AXIN2: variants seen among roughly 807,000 people sequenced by gnomAD.
AXIN2 encodes axin 2.
Under a neutral mutation model 74.7 loss-of-function variants are expected in AXIN2, and 21 were observed. The observed-to-expected ratio is 0.28, with a 90% confidence interval of 0.20 to 0.40. AXIN2 has a LOEUF of 0.40. AXIN2 is among the 10% of genes least tolerant of loss of function. The probability of loss-of-function intolerance (pLI) is 1.00; values close to 1 mark genes in which losing one functional copy is unlikely to be tolerated. For synonymous variants in AXIN2, 532 were observed against 454.9 expected (o/e 1.17, Z -2.16); for missense variants, 1,144 against 1,111.1 (o/e 1.03, Z -0.42).
intron 2 of AXIN2, among the ~76,000 whole-genome samples, chr17:65,555,255 A>T (rs1220600010): frequency 6.6e-6 from 1 of 152,126 alleles, no homozygotes; most frequent in Non-Finnish European, 1.5e-5. Flanking sequence ...AGCAGCACTG[A>T]CGTTTCTGTT....
chr17:65,535,838 C>A lies in AXIN2; in HGVS notation c.2142-117G>T, dbSNP rs1276606362. ...GAAGAGACACGAACCCGACTTCCAT[C>A]CTTACGGAGACCCAACCAAGACCCT... On this transcript the variant is annotated intron_variant, in intron 8 of 10. Coordinates refer to ENST00000307078, the MANE Select transcript of AXIN2 (RefSeq NM_004655.4). The A allele has an allele frequency of 3.2e-6, 3 of 933,326 alleles. No homozygotes were observed. In the South Asian group the frequency reaches 4.2e-5, roughly 13 times the overall value. 57.8% of individuals were successfully genotyped at this position (933,326 alleles called of 1,614,324 possible).
Position 65,529,104 on chromosome 17 carries a change from G to C in AXIN2, c.*872C>G. 4.3e-6 allele frequency: 1 copy of C among 234,740 alleles called. No homozygotes were observed. The allele number at this position is 234,740 out of a possible 1,614,324, so 14.5% of individuals were successfully genotyped here. A position where few individuals can be genotyped will look rare whatever the true frequency, so the allele number is the denominator to read the frequency against. ...CAAAAACAGAAACAAAAAAAACAAG[G>C]AACTGTCATTTCCACGAAAGCACAG... On this transcript the variant is annotated 3_prime_UTR_variant, in exon 11 of 11. Transcript: ENST00000307078.
intron 2 of AXIN2, 148 bp downstream of exon 2, chr17:65,557,658 A>G: frequency 1.2e-6 from 1 of 801,190 alleles, no homozygotes; most frequent in Non-Finnish European, 2.0e-6. Context: ...TTCAACAACA[A>G]AAAGCAAGAT....
Position 65,537,521 on chromosome 17 carries a change from A to T in AXIN2, c.1515T>A (p.Phe505Leu). 1 of 1,613,592 alleles carries T rather than the reference A, an allele frequency of 6.2e-7. No homozygotes were observed. Among genetic ancestry groups the T allele is most frequent in the Non-Finnish European group, 8.5e-7 (1 of 1,179,926 alleles). The change falls in exon 6 of 11, where the codon TTT becomes TTA. Residue 505 changes from phenylalanine (F) to leucine (L), a missense_variant. Around this residue, in one of 4 missense-constraint regions of AXIN2, gnomAD observed 1,053 missense variants for 973.5 expected, o/e 1.08. Coordinates refer to ENST00000307078, the MANE Select transcript of AXIN2 (RefSeq NM_004655.4). The stretch of plus-strand genomic sequence containing the variant: ...CATGCTTCGTCGTCTGCTTGGTCAC[A>T]AAGCCTTTGCCCCCGAGGAGGGGGC... ...GACPLLGGKG[F>L]VTKQTTKHVH...
At chr17:65,535,294 T>A (rs2043889173) in intron 9 of AXIN2, among the ~76,000 whole-genome samples, 2 of 152,184 alleles carry the variant, frequency 1.3e-5, no homozygotes, top group Admixed American at 1.3e-4. Context: ...ATCTTTCTGC[T>A]CAGGGGTGAC....
intron 2 of AXIN2, among the ~76,000 whole-genome samples, chr17:65,550,102 T>G (rs1476776998): frequency 6.6e-6 from 1 of 152,196 alleles, no homozygotes; most frequent in Non-Finnish European, 1.5e-5. Flanking sequence ...CCAAGACATC[T>G]TAAGTACCTA....
At chr17:65,538,758 G>A (rs987095523) in intron 4 of AXIN2, among the ~76,000 whole-genome samples, 1 of 129,886 alleles carries the variant, frequency 7.7e-6, no homozygotes. Context: ...ATAGAAAGTA[G>A]AATCTAAACA....
intron 1 of AXIN2, 82 bp from the exon 2 acceptor site, chr17:65,558,818 G>A: frequency 1.6e-6 from 1 of 616,114 alleles, no homozygotes. Flanking sequence ...CAACATCAAA[G>A]CAAGAAAGTA....
intron 3 of AXIN2, among the ~76,000 whole-genome samples, chr17:65,542,833 G>A (rs572476944): frequency 6.6e-6 from 1 of 152,284 alleles, no homozygotes; most frequent in African/African-American, 2.4e-5. Flanking sequence ...TTGAAATTGG[G>A]TGTTTGGCTA....
At position 65,538,329 on chromosome 17, in the gene AXIN2, C is replaced by G. The variant is rs1336532585; in HGVS notation, c.1074G>C (p.Leu358=). The stretch of plus-strand genomic sequence containing the variant: ...GTTCCACGGGGGTCATCTCCTTGGG[C>G]AGGCGGTGGGTTCTCTACAGGACGT... ...SLPHFPRTHR[L]PKEMTPVEPA... is the part of the protein sequence containing the mutation. Residue 358 remains leucine, a synonymous_variant, in exon 5 of 11, where the codon CTG becomes CTC. Coordinates refer to ENST00000307078, the MANE Select transcript of AXIN2 (RefSeq NM_004655.4). The G allele has an allele frequency of 6.2e-7, 1 of 1,614,158 alleles. No homozygotes were observed. Among genetic ancestry groups the G allele is most frequent in the South Asian group, 1.1e-5 (1 of 91,070 alleles).
chr17:65,530,122 A>C lies in AXIN2; in HGVS notation c.2406-20T>G. The C allele has an allele frequency of 1.2e-6, 2 of 1,613,934 alleles. No homozygotes were observed. Among genetic ancestry groups the C allele is most frequent in the Non-Finnish European group, 1.7e-6 (2 of 1,179,908 alleles). The stretch of plus-strand genomic sequence containing the variant: ...TAATACCTTAAAAGGAAAACCAAAA[A>C]AGCTTCTTGGTAAACTGCATTTTCC... On this transcript the variant is annotated intron_variant, in intron 10 of 10. Coordinates refer to ENST00000307078, the MANE Select transcript of AXIN2 (RefSeq NM_004655.4).
intron 1 of AXIN2, chr17:65,560,276 G>A (rs1462757349): frequency 2.0e-5 from 3 of 152,278 alleles, no homozygotes; most frequent in Admixed American, 6.5e-5. Flanking sequence ...GGACGCGAGG[G>A]ACACGGGCGC....
intron 8 of AXIN2, 128 bp from the exon 9 acceptor site, chr17:65,535,849 C>T: frequency 1.2e-6 from 1 of 837,068 alleles, no homozygotes; most frequent in Non-Finnish European, 2.0e-6. Flanking sequence ...CTTACGGAGA[C>T]CCAACCAAGA....
chr17:65,538,038 T>TGCGCACACAGCCCACGCCCAGGC (rs2043970083), intron 5 of AXIN2, 165 bp downstream of exon 5: 1 of 1,394,934 alleles, frequency 7.2e-7, no homozygotes, highest in African/African-American at 1.4e-5. Flanking sequence ...CCCATGCACA[T>TGCGCACACAGCCCACGCCCAGGC]GCGCACACAG....
Position 65,558,725 on chromosome 17 carries a change from T to C in AXIN2, c.-105A>G. 1.7e-6 allele frequency: 2 copies of C among 1,156,426 alleles called. No homozygotes were observed. The highest frequency in any genetic ancestry group is 1.3e-5 in the South Asian group (1 of 75,952). The allele number at this position is 1,156,426 out of a possible 1,614,324, so 71.6% of individuals were successfully genotyped here. Reference sequence around the variant, plus strand: ...TCTCTCAAGTCAGCAGGGGCTCATCTGAACCTCCTCTCTGGAAAGAAAAGG... The same window carrying C: ...TCTCTCAAGTCAGCAGGGGCTCATCCGAACCTCCTCTCTGGAAAGAAAAGG... On this transcript the variant is annotated 5_prime_UTR_variant, in exon 2 of 11. Transcript: ENST00000307078.
At chr17:65,560,963 C>G (rs928546368) in intron 1 of AXIN2, 1 of 147,830 alleles carries the variant, frequency 6.8e-6, no homozygotes, top group Non-Finnish European at 1.5e-5. Context: ...CATGGGGAGT[C>G]GTGCGGCGGG....
intron 4 of AXIN2, among the ~76,000 whole-genome samples, chr17:65,541,177 C>T (rs2044036273): frequency 2.0e-5 from 3 of 152,154 alleles, no homozygotes; most frequent in South Asian, 4.1e-4. Flanking sequence ...TGTGCCCAGC[C>T]GTAAACCTCT....
chr17:65,533,845 C>CT, intron 10 of AXIN2, 67 bp downstream of exon 10: 3 of 1,208,176 alleles, frequency 2.5e-6, no homozygotes, highest in African/African-American at 3.1e-5. Context: ...AGGGGAGCTG[C>CT]TCCAGGCTCT....
At chr17:65,557,728 C>G in intron 2 of AXIN2, 78 bp downstream of exon 2, 2 of 1,407,940 alleles carry the variant, frequency 1.4e-6, no homozygotes, top group South Asian at 2.3e-5. Flanking sequence ...CTGCAGCACA[C>G]CCATCCACCC....
Sources: allele counts gnomAD v4.1 joint callset (sites outside exome capture counted in the v4.1 genomes callset), GRCh38; gene constraint gnomAD v4.1.1; regional missense constraint gnomAD v4.1.1; transcripts MANE v1.5; gene names NCBI Gene and HGNC (gene_info 2026-07-23, HGNC 2026-07-21).